Variants in SDK1 observed in about 807,000 individuals in gnomAD.
The protein encoded by SDK1 is protein sidekick-1.
Under a neutral mutation model 245.5 loss-of-function variants are expected in SDK1, and 157 were observed. The observed-to-expected ratio is 0.64, with a 90% CI of 0.56 to 0.73. The LOEUF (loss-of-function observed/expected upper bound fraction) is 0.73. SDK1 is among the 30% of genes least tolerant of loss of function. The pLI, the probability that SDK1 is intolerant of heterozygous loss-of-function variation, is 0.00. For missense variants in SDK1, 3,583 were observed against 3,002.3 expected (o/e 1.19, Z -4.52); for synonymous variants, 1,647 against 1,278.5 (o/e 1.29, Z -6.15).
intron 32 of SDK1, among the ~76,000 whole-genome samples, chr7:4,168,365 A>G (rs1799437): frequency 0.77 from 117,813 of 152,248 alleles, 45,635 homozygotes; most frequent in African/African-American, 0.8. Flanking sequence ...TCTGTTGGGC[A>G]AGGCGGATTG....
chr7:3,577,768 G>A (rs1200857825), intron 1 of SDK1, among the ~76,000 whole-genome samples: 1 of 152,018 alleles, frequency 6.6e-6, no homozygotes, highest in Non-Finnish European at 1.5e-5. Flanking sequence ...CTTGCATTCA[G>A]CTTTTGTATG....
chr7:4,220,200 C>A lies in SDK1; in HGVS notation c.5631C>A (p.Phe1877Leu), dbSNP rs753309759. The A allele has an allele frequency of 6.2e-7, 1 of 1,614,086 alleles. No homozygotes were observed. Among genetic ancestry groups the A allele is most frequent in the Admixed American group, 1.7e-5 (1 of 60,018 alleles). ...RDLTKGVTYF[F>L]RVQARTITYG... ...TCACCAAGGGAGTGACCTATTTCTT[C>A]CGTGTCCAAGCGCGGACCATCACCT... The change falls in exon 39 of 45, where the codon TTC (phenylalanine) becomes TTA (leucine). Residue 1877 changes from phenylalanine to leucine, a missense_variant. Phe to Leu is a conservative substitution (Grantham distance 22). Coordinates refer to ENST00000404826, the MANE Select transcript of SDK1 (RefSeq NM_152744.4).
intron 1 of SDK1, among the ~76,000 whole-genome samples, chr7:3,601,240 T>A (rs1781244278): frequency 6.6e-6 from 1 of 152,182 alleles, no homozygotes; most frequent in Non-Finnish European, 1.5e-5. Flanking sequence ...AAGAAATGAA[T>A]TGGGAGATGT....
intron 38 of SDK1, among the ~76,000 whole-genome samples, chr7:4,214,372 T>C (rs998056497): frequency 6.6e-6 from 1 of 152,216 alleles, no homozygotes; most frequent in African/African-American, 2.4e-5. Flanking sequence ...GGAGTCACTT[T>C]AGTCACAACC....
chr7:3,665,272 CCT>C (rs1562641522), intron 4 of SDK1, among the ~76,000 whole-genome samples: 1 of 152,190 alleles, frequency 6.6e-6, no homozygotes, highest in African/African-American at 2.4e-5. Flanking sequence ...CCTTGAGCCC[CCT>C]CTTTCACTAT....
intron 1 of SDK1, among the ~76,000 whole-genome samples, chr7:3,570,744 C>T (rs1307165257): frequency 1.3e-5 from 2 of 152,214 alleles, no homozygotes; most frequent in Non-Finnish European, 2.9e-5. Context: ...GTGTAATTTA[C>T]TGCACTGATG....
intron 1 of SDK1, among the ~76,000 whole-genome samples, chr7:3,441,443 G>T (rs567840795): frequency 6.6e-6 from 1 of 152,196 alleles, no homozygotes; most frequent in East Asian, 1.9e-4. Flanking sequence ...TACATGAATT[G>T]TTCCAGCACC....
At chr7:3,491,116 T>G (rs181222198) in intron 1 of SDK1, among the ~76,000 whole-genome samples, 2 of 152,334 alleles carry the variant, frequency 1.3e-5, no homozygotes, top group East Asian at 3.9e-4. Flanking sequence ...ACCTTGTCAC[T>G]GAACTGCCCA....
intron 25 of SDK1, among the ~76,000 whole-genome samples, chr7:4,118,369 A>C (rs959359136): frequency 6.6e-6 from 1 of 152,260 alleles, no homozygotes; most frequent in Non-Finnish European, 1.5e-5. Context: ...TCTAAGCTGC[A>C]ATGAGATACC....
At chr7:3,393,292 A>T (rs888804730) in intron 1 of SDK1, among the ~76,000 whole-genome samples, 8 of 151,890 alleles carry the variant, frequency 5.3e-5, no homozygotes, top group Non-Finnish European at 1.0e-4. Flanking sequence ...GTTCTTTTGG[A>T]TGTATACCCA....
chr7:3,501,378 G>GAA (rs11320383), intron 1 of SDK1, among the ~76,000 whole-genome samples: 4,920 of 136,014 alleles, frequency 0.036, 286 homozygotes, highest in African/African-American at 0.12. Flanking sequence ...TCAGGAAAAA[G>GAA]AAAAAAAAAA....
At chr7:3,415,231 T>C (rs7808804) in intron 1 of SDK1, among the ~76,000 whole-genome samples, 24,734 of 152,154 alleles carry the variant, frequency 0.16, 3,262 homozygotes, top group African/African-American at 0.36. Context: ...GTGCATATGT[T>C]ACAAAAAATA....
At chr7:3,365,177 A>G (rs1411588177) in intron 1 of SDK1, among the ~76,000 whole-genome samples, 1 of 152,210 alleles carries the variant, frequency 6.6e-6, no homozygotes, top group Admixed American at 6.5e-5. Flanking sequence ...GGCAAAACAA[A>G]AAAGTAAATT....
chr7:3,564,909 G>T (rs1388109678), intron 1 of SDK1, among the ~76,000 whole-genome samples: 1 of 151,904 alleles, frequency 6.6e-6, no homozygotes, highest in African/African-American at 2.4e-5. Flanking sequence ...AAGAGTGAAG[G>T]CAAAAATGCG....
chr7:3,528,985 G>A (rs1284238850), intron 1 of SDK1, among the ~76,000 whole-genome samples: 1 of 152,116 alleles, frequency 6.6e-6, no homozygotes, highest in Non-Finnish European at 1.5e-5. Flanking sequence ...ACTGAGCCAG[G>A]GAGGTAGCTA....
At position 3,974,544 on chromosome 7, in the gene SDK1, A is replaced by G. The variant is rs1016870424; in HGVS notation, c.1993A>G (p.Ile665Val). 2.5e-6 allele frequency: 4 copies of G among 1,613,990 alleles called. No homozygotes were observed. The highest frequency in any genetic ancestry group is 2.5e-6 in the Non-Finnish European group (3 of 1,179,962). The change falls in exon 13 of 45, where the codon ATT (isoleucine) becomes GTT (valine). Residue 665 changes from isoleucine (I) to valine (V), a missense_variant and splice_region_variant. Ile to Val is a conservative substitution (Grantham distance 29). Transcript: ENST00000404826. Reference sequence around the variant, plus strand: ...CTCCAGGATGGCCCGGCTGGAAGTGATGTGAGTACTGAGACGTTTGGTGTT... The same window carrying G: ...CTCCAGGATGGCCCGGCTGGAAGTGGTGTGAGTACTGAGACGTTTGGTGTT... The part of the protein sequence containing the change: ...NDSRMARLEV[I>V]ELPHSPQNLL...
At chr7:3,691,514 C>G (rs771783024) in intron 4 of SDK1, among the ~76,000 whole-genome samples, 9 of 152,298 alleles carry the variant, frequency 5.9e-5, no homozygotes, top group Non-Finnish European at 1.2e-4. Flanking sequence ...ACTCTCTCCC[C>G]TTTTCAGGGA....
intron 5 of SDK1, among the ~76,000 whole-genome samples, chr7:3,913,568 C>T (rs1399882313): frequency 6.6e-6 from 1 of 152,118 alleles, no homozygotes; most frequent in Non-Finnish European, 1.5e-5. Context: ...GCTGACATTA[C>T]AGGCGTGAGC....
chr7:4,041,500 G>A (rs1473008667), intron 17 of SDK1, among the ~76,000 whole-genome samples: 1 of 152,068 alleles, frequency 6.6e-6, no homozygotes, highest in South Asian at 2.1e-4. Flanking sequence ...GCTTGGCACT[G>A]TGCATTCTGT....
Sources: allele counts gnomAD v4.1 joint callset (sites outside exome capture counted in the v4.1 genomes callset), GRCh38; gene constraint gnomAD v4.1.1; transcripts MANE v1.5; gene names NCBI Gene and HGNC (gene_info 2026-07-23, HGNC 2026-07-21).